RTTN: variants seen among roughly 807,000 people sequenced by gnomAD.
The protein encoded by RTTN is rotatin.
RTTN carries 182 observed loss-of-function variants against 269.2 expected under a neutral mutation model. The ratio of observed to expected loss-of-function variants is 0.68; its 90% CI spans 0.60 to 0.76. The LOEUF is 0.76. Among genes scored for constraint, RTTN ranks in the 30% least tolerant of loss-of-function variants. RTTN has a pLI of 0.00. For missense variants in RTTN, 2,545 were observed against 2,608.6 expected, an observed-to-expected ratio of 0.98 and a Z score of 0.53; for synonymous variants, 1,006 against 963.5, an observed-to-expected ratio of 1.04 and a Z score of -0.82.
intron 8 of RTTN, 30 bp downstream of exon 8, chr18:70,193,258 C>A: frequency 6.4e-7 from 1 of 1,564,626 alleles, no homozygotes; most frequent in South Asian, 1.2e-5. Context: ...CGGCATTTCT[C>A]ATTTCCCCAG....
At chr18:70,158,268 C>T (rs946879915) in intron 14 of RTTN, among the ~76,000 whole-genome samples, 7 of 152,168 alleles carry the variant, frequency 4.6e-5, no homozygotes, top group African/African-American at 1.4e-4. Flanking sequence ...AGAAACCTTA[C>T]AAGCCAGAAA....
Position 70,124,296 on chromosome 18 carries a change from C to T in RTTN, c.3384-2596G>A, listed in dbSNP as rs563529141. On this transcript the variant is annotated intron_variant, in intron 25 of 48. Transcript: ENST00000640769. ...GAATATCCTTCAAAGGAGGTGTTCA[C>T]GCTGAGGCTGCATGGCCAACTGTAT... Among the ~76,000 whole-genome samples, 8 of 152,108 alleles carry T rather than the reference C, an allele frequency of 5.3e-5. No individual in the cohort carries two copies. The East Asian group carries it at 9.6e-4, about 18-fold the overall frequency.
intron 27 of RTTN, among the ~76,000 whole-genome samples, chr18:70,113,552 T>G (rs2059528819): frequency 6.6e-6 from 1 of 152,122 alleles, no homozygotes; most frequent in Non-Finnish European, 1.5e-5. Context: ...AATTATATAC[T>G]CAAGAGAACT....
intron 34 of RTTN, among the ~76,000 whole-genome samples, chr18:70,066,725 C>A (rs889311942): frequency 3.9e-5 from 6 of 152,126 alleles, no homozygotes; most frequent in African/African-American, 1.4e-4. Flanking sequence ...AGTTATAAAC[C>A]ATCATTCCAG....
At chr18:70,130,596 G>A (rs1034308828) in intron 23 of RTTN, 1 of 151,696 alleles carries the variant, frequency 6.6e-6, no homozygotes, top group Non-Finnish European at 1.5e-5. Flanking sequence ...ATGATCTCAT[G>A]GAGATAAAGA....
chr18:70,199,240 C>A (rs2061890405), intron 5 of RTTN, among the ~76,000 whole-genome samples, 174 bp downstream of exon 5: 2 of 150,914 alleles, frequency 1.3e-5, no homozygotes, highest in Admixed American at 1.3e-4. Flanking sequence ...TGATTAAAAG[C>A]AAATAGGAAT....
At chr18:70,200,787 A>C (rs1411535641) in intron 4 of RTTN, among the ~76,000 whole-genome samples, 2 of 152,234 alleles carry the variant, frequency 1.3e-5, no homozygotes, top group East Asian at 1.9e-4. Flanking sequence ...CTGCCTCACC[A>C]AGGACAAAGT....
intron 11 of RTTN, among the ~76,000 whole-genome samples, chr18:70,173,658 T>C (rs1599902727): frequency 6.6e-6 from 1 of 152,322 alleles, no homozygotes; most frequent in African/African-American, 2.4e-5. Flanking sequence ...GTGTCACTCC[T>C]TTGTTTTGGT....
chr18:70,020,597 G>A lies in RTTN; in HGVS notation c.6153+18C>T, dbSNP rs564268804. 1.9e-6 allele frequency: 3 copies of A among 1,583,038 alleles called. No homozygotes were observed. The African/African-American group carries it at 4.0e-5, about 21-fold the overall frequency. ...ACTGAGTACCCTTTTAAGATATGTG[G>A]GGAGTTTAAGTGCGTACCTTCTGAA... On this transcript the variant is annotated intron_variant, in intron 45 of 48. Coordinates refer to ENST00000640769, the MANE Select transcript of RTTN (RefSeq NM_173630.4).
At chr18:70,085,139 G>A (rs2058669784) in intron 32 of RTTN, among the ~76,000 whole-genome samples, 1 of 152,112 alleles carries the variant, frequency 6.6e-6, no homozygotes, top group African/African-American at 2.4e-5. Flanking sequence ...AAAACAACAT[G>A]TTTTAAAATG....
intron 44 of RTTN, among the ~76,000 whole-genome samples, chr18:70,023,805 CAG>C (rs1005858760): frequency 4.7e-4 from 71 of 152,224 alleles, no homozygotes; most frequent in African/African-American, 1.6e-3. Flanking sequence ...CTTTGTGAGA[CAG>C]AGTCTCACTC....
At chr18:70,098,021 GATAA>G (rs1167966690) in intron 28 of RTTN, among the ~76,000 whole-genome samples, 7 of 151,498 alleles carry the variant, frequency 4.6e-5, no homozygotes, top group African/African-American at 1.4e-4. Flanking sequence ...GTAAAAGGTT[GATAA>G]ATAGAGTATT....
At chr18:70,086,400 A>C (rs751270425) in intron 32 of RTTN, among the ~76,000 whole-genome samples, 7 of 152,168 alleles carry the variant, frequency 4.6e-5, no homozygotes, top group Non-Finnish European at 1.0e-4. Context: ...ACATATGTTA[A>C]CTATTATTAT....
chr18:70,069,422 T>G (rs1418806827), intron 34 of RTTN, among the ~76,000 whole-genome samples: 1 of 152,190 alleles, frequency 6.6e-6, no homozygotes, highest in Non-Finnish European at 1.5e-5. Context: ...TTCTTCAGTG[T>G]GTTTGTAAGC....
chr18:70,153,345 TTCTTAATTATTACATACATC>T (rs1405855841), intron 14 of RTTN, among the ~76,000 whole-genome samples: 1 of 152,092 alleles, frequency 6.6e-6, no homozygotes, highest in Non-Finnish European at 1.5e-5. Flanking sequence ...TAAGGAATTT[TTCTTAATTATTACATACATC>T]TCTCTCTGTC....
intron 41 of RTTN, 132 bp downstream of exon 41, chr18:70,030,744 T>A (rs969837813): frequency 3.5e-6 from 2 of 568,332 alleles, no homozygotes; most frequent in Non-Finnish European, 5.9e-6. Context: ...GGAAAAAAAA[T>A]TATTTTTAGT....
At chr18:70,006,163 T>C (rs1157703163) in intron 47 of RTTN, 1 of 413,710 alleles carries the variant, frequency 2.4e-6, no homozygotes, top group Non-Finnish European at 4.3e-6. Context: ...TCAGAGATTC[T>C]CTTCTAAACT....
At position 70,028,774 on chromosome 18, in the gene RTTN, T is replaced by A; in HGVS notation, c.5773A>T (p.Ile1925Phe). 6.2e-7 allele frequency: 1 copy of A among 1,612,120 alleles called. No individual in the cohort carries two copies. Among genetic ancestry groups the A allele is most frequent in the Middle Eastern group, 1.7e-4 (1 of 6,012 alleles). ...CAGTTTCTTAGGAGCTGCATGGCAA[T>A]GCTTAACTCTTTAATAACACCATCC... ...KEDGVIKELS[I>F]AMQLLRNCLY... Residue 1925 changes from isoleucine to phenylalanine, a missense_variant, in exon 43 of 49, where the codon ATT becomes TTT. Coordinates refer to ENST00000640769, the MANE Select transcript of RTTN (RefSeq NM_173630.4).
At chr18:70,090,497 A>G (rs2058816382) in intron 30 of RTTN, among the ~76,000 whole-genome samples, 1 of 152,166 alleles carries the variant, frequency 6.6e-6, no homozygotes, top group Non-Finnish European at 1.5e-5. Flanking sequence ...TGATTACATA[A>G]AGAGATGAGG....
Sources: gnomAD v4.1 joint callset for allele counts (sites outside exome capture counted in the v4.1 genomes callset) on GRCh38, gnomAD v4.1.1 for gene constraint, MANE v1.5 for transcripts, NCBI Gene and HGNC (gene_info 2026-07-23, HGNC 2026-07-21) for gene names.